NRXN3: variants seen among roughly 807,000 people sequenced by gnomAD.
NRXN3 encodes the protein neurexin III.
A neutral mutation model predicts 137.6 loss-of-function variants in NRXN3; 32 were observed. The ratio of observed to expected loss-of-function variants is 0.23; its 90% confidence interval spans 0.18 to 0.31. The LOEUF (loss-of-function observed/expected upper bound fraction) is 0.31. Among genes scored for constraint, NRXN3 ranks in the 10% least tolerant of loss-of-function variants. The pLI, the probability that NRXN3 is intolerant of heterozygous loss-of-function variation, is 1.00. For synonymous variants in NRXN3, 798 were observed against 784.5 expected (o/e 1.02, Z -0.29); for missense variants, 1,574 against 2,062.5 (o/e 0.76, Z 4.59).
intron 4 of NRXN3, among the ~76,000 whole-genome samples, chr14:78,324,386 C>A (rs1254331675): frequency 2.0e-5 from 3 of 152,050 alleles, no homozygotes; most frequent in Non-Finnish European, 4.4e-5. Flanking sequence ...TGTGTTCTAC[C>A]CATGATCTGT....
intron 4 of NRXN3, among the ~76,000 whole-genome samples, chr14:78,476,235 A>G (rs1479362254): frequency 2.0e-5 from 3 of 152,240 alleles, no homozygotes; most frequent in Non-Finnish European, 2.9e-5. Flanking sequence ...ACTATAAACA[A>G]AGAAAGACAC....
chr14:78,754,083 G>T (rs937972866), intron 8 of NRXN3, among the ~76,000 whole-genome samples: 4 of 152,160 alleles, frequency 2.6e-5, no homozygotes, highest in Admixed American at 2.0e-4. Context: ...AGAAGCACAG[G>T]AAAGAAAATG....
At chr14:78,826,541 T>A (rs113135820) in intron 10 of NRXN3, among the ~76,000 whole-genome samples, 13 of 152,282 alleles carry the variant, frequency 8.5e-5, no homozygotes, top group African/African-American at 3.1e-4. Context: ...AGCCCCAAAC[T>A]CATTGGGTTC....
chr14:79,062,481 C>T (rs1158770861), intron 15 of NRXN3, among the ~76,000 whole-genome samples: 1 of 152,150 alleles, frequency 6.6e-6, no homozygotes, highest in Non-Finnish European at 1.5e-5. Flanking sequence ...CTCAGGCCCC[C>T]CAGAATGGTA....
At chr14:79,837,328 T>G (rs938595419) in intron 20 of NRXN3, among the ~76,000 whole-genome samples, 4 of 152,150 alleles carry the variant, frequency 2.6e-5, no homozygotes, top group African/African-American at 4.8e-5. Context: ...ATTTCATATG[T>G]TTTACAGGCA....
At chr14:78,837,624 C>G (rs1047072383) in intron 10 of NRXN3, among the ~76,000 whole-genome samples, 4 of 152,084 alleles carry the variant, frequency 2.6e-5, no homozygotes, top group African/African-American at 7.2e-5. Flanking sequence ...TCCCTGCTCC[C>G]CACCCCCATG....
intron 8 of NRXN3, among the ~76,000 whole-genome samples, chr14:78,794,208 C>T (rs571524011): frequency 6.6e-6 from 1 of 152,074 alleles, no homozygotes; most frequent in East Asian, 1.9e-4. Context: ...CATGGGAAAC[C>T]CCGTCTCTAC....
At chr14:78,199,938 G>T (rs556099683) in intron 1 of NRXN3, among the ~76,000 whole-genome samples, 1 of 152,326 alleles carries the variant, frequency 6.6e-6, no homozygotes, top group African/African-American at 2.4e-5. Flanking sequence ...TGCAGCAGGC[G>T]AGTGTCAGCT....
intron 16 of NRXN3, among the ~76,000 whole-genome samples, chr14:79,565,359 A>G (rs2097542043): frequency 6.7e-6 from 1 of 149,716 alleles, no homozygotes; most frequent in African/African-American, 2.4e-5. Context: ...GTATATGTAT[A>G]CACACACACA....
intron 1 of NRXN3, among the ~76,000 whole-genome samples, chr14:78,237,969 C>T (rs2066539909): frequency 6.6e-6 from 1 of 152,164 alleles, no homozygotes; most frequent in Admixed American, 6.5e-5. Context: ...TAAATCAAAC[C>T]CACTTGTAGA....
chr14:79,163,077 G>A (rs2060951184), intron 15 of NRXN3, among the ~76,000 whole-genome samples: 1 of 151,830 alleles, frequency 6.6e-6, no homozygotes, highest in Non-Finnish European at 1.5e-5. Flanking sequence ...GGGTCTTTAT[G>A]GGCTTCACTT....
At chr14:78,873,685 G>T (rs918924684) in intron 10 of NRXN3, among the ~76,000 whole-genome samples, 1 of 152,254 alleles carries the variant, frequency 6.6e-6, no homozygotes, top group African/African-American at 2.4e-5. Context: ...ATAAAGAGAT[G>T]GTTCGTATGA....
chr14:79,154,209 C>T (rs2060050715), intron 15 of NRXN3, among the ~76,000 whole-genome samples: 1 of 151,976 alleles, frequency 6.6e-6, no homozygotes, highest in African/African-American at 2.4e-5. Context: ...CTTCTCTCTT[C>T]TAGAGGTGCT....
rs2088746863 is a variant in NRXN3 at position 79,316,585 on chromosome 14, A to C, written c.3263-150636A>C. 2.0e-5 allele frequency among the ~76,000 whole-genome samples: 3 copies of C among 152,308 alleles called. No homozygotes were observed. The South Asian group carries it at 6.2e-4, about 32-fold the overall frequency. On this transcript the variant is annotated intron_variant, in intron 15 of 20. Coordinates refer to ENST00000335750, the MANE Select transcript of NRXN3 (RefSeq NM_001330195.2). ...CATCTATTTATGCAAGTATTTTAAC[A>C]TTTTAATAATTGATACAGTTATCTG...
At chr14:79,273,311 GA>G (rs976113592) in intron 15 of NRXN3, among the ~76,000 whole-genome samples, 1 of 151,366 alleles carries the variant, frequency 6.6e-6, no homozygotes, top group African/African-American at 2.4e-5. Flanking sequence ...CTCATCTGGA[GA>G]AAAAAATAAT....
At chr14:78,653,081 A>G (rs1189950800) in intron 6 of NRXN3, among the ~76,000 whole-genome samples, 1 of 152,222 alleles carries the variant, frequency 6.6e-6, no homozygotes, top group African/African-American at 2.4e-5. Flanking sequence ...ATAATAAAGG[A>G]GAGAAAATCC....
chr14:78,537,254 C>G (rs1202018234), intron 4 of NRXN3, among the ~76,000 whole-genome samples: 1 of 152,244 alleles, frequency 6.6e-6, no homozygotes, highest in Non-Finnish European at 1.5e-5. Flanking sequence ...TTCTCCACAT[C>G]CTCTCCAGCA....
intron 4 of NRXN3, among the ~76,000 whole-genome samples, chr14:78,454,223 A>C (rs932502400): frequency 1.3e-5 from 2 of 152,114 alleles, no homozygotes; most frequent in Admixed American, 1.3e-4. Flanking sequence ...GCTGTATGAT[A>C]GGTATTTCAT....
intron 20 of NRXN3, among the ~76,000 whole-genome samples, chr14:79,826,189 C>T (rs542347179): frequency 1.9e-4 from 29 of 152,156 alleles, no homozygotes; most frequent in South Asian, 6.2e-4. Context: ...AGAGGGGTTT[C>T]GCCATAGTGG....
Sources: allele counts gnomAD v4.1 joint callset (sites outside exome capture counted in the v4.1 genomes callset), GRCh38; gene constraint gnomAD v4.1.1; transcripts MANE v1.5; gene names NCBI Gene and HGNC (gene_info 2026-07-23, HGNC 2026-07-21).